SLC27A3: variants seen among roughly 807,000 people sequenced by gnomAD.
The protein encoded by SLC27A3 is solute carrier family 27 member 3, also known as long-chain fatty acid transport protein 3.
In SLC27A3, 60 loss-of-function variants were observed where a neutral mutation model predicts 60.1. The ratio of observed to expected loss-of-function variants is 1.00; its 90% confidence interval spans 0.81 to 1.24. SLC27A3 has a LOEUF of 1.24. Among genes scored for constraint, SLC27A3 ranks in the 50% most tolerant of loss-of-function variants. The pLI is 0.00. For missense variants in SLC27A3, 1,079 were observed against 929.9 expected (o/e 1.16, Z -2.09); for synonymous variants, 455 against 409.0 (o/e 1.11, Z -1.36).
chr1:153,779,468 C>G lies in SLC27A3; in HGVS notation c.1870C>G (p.Leu624Val). Reference sequence around the variant, plus strand: ...TTATGCCCGGCCCCGATTCCTCAGGCTCCAGGTAACCGGCCACTTCCCCCG... The same window carrying G: ...TTATGCCCGGCCCCGATTCCTCAGGGTCCAGGTAACCGGCCACTTCCCCCG... ...PPYARPRFLRLQESLATTETF... is the reference protein window; with the variant it reads ...PPYARPRFLRVQESLATTETF... Residue 624 changes from leucine (L) to valine (V), a missense_variant, in exon 9 of 10, where the codon CTC (leucine) becomes GTC (valine). Physicochemically the swap from Leu to Val is conservative, Grantham distance 32 (BLOSUM62 1). Transcript: ENST00000624995. The G allele has an allele frequency of 1.2e-6, 2 of 1,612,786 alleles. No homozygotes were observed. The highest frequency in any genetic ancestry group is 1.7e-6 in the Non-Finnish European group (2 of 1,179,746).
chr1:153,775,712 CGGA>C lies in SLC27A3; in HGVS notation c.216_218del (p.Glu73del). ...GGCTGCAGCCTGGCCTGGCGCCTCG[CGGA>C]ACTGGCCCAGCAGCGCGCCGCGCAC... On this transcript the variant is annotated inframe_deletion, in exon 1 of 10. Coordinates refer to ENST00000624995, the MANE Select transcript of SLC27A3 (RefSeq NM_024330.4). 1 of 1,527,164 alleles carries C rather than the reference CGGA, an allele frequency of 6.5e-7. No individual in the cohort carries two copies. Among genetic ancestry groups the C allele is most frequent in the East Asian group, 2.3e-5 (1 of 43,550 alleles). The allele number at this position is 1,527,164 out of a possible 1,614,324, so 94.6% of individuals were successfully genotyped here. A position where few individuals can be genotyped will look rare whatever the true frequency, so the allele number is the denominator to read the frequency against.
At chr1:153,777,556 A>G in intron 3 of SLC27A3, 2 of 659,006 alleles carry the variant, frequency 3.0e-6, no homozygotes, top group South Asian at 3.7e-5. Context: ...AAGTAGGGAA[A>G]GGGCATTCAC....
chr1:153,776,434 G>T, intron 1 of SLC27A3, 84 bp from the exon 2 acceptor site: 1 of 1,375,668 alleles, frequency 7.3e-7, no homozygotes, highest in Non-Finnish European at 9.9e-7. Context: ...AGAGCAGTGT[G>T]GGCTGGGATA....
In SLC27A3 at chr1:153,775,763, G is replaced by A. The variant is rs200975179; in HGVS notation, c.266G>A (p.Arg89Gln). 9.6e-5 allele frequency: 145 copies of A among 1,505,358 alleles called. 1 individual carries two copies. The South Asian group carries it at 1.6e-3, about 17-fold the overall frequency. 93.3% of individuals were successfully genotyped at this position (1,505,358 alleles called of 1,614,324 possible). A position where few individuals can be genotyped will look rare whatever the true frequency, so the allele number is the denominator to read the frequency against. Residue 89 changes from arginine (R) to glutamine (Q), a missense_variant, in exon 1 of 10, where the codon CGG (arginine) becomes CAG (glutamine). Physicochemically the swap from Arg to Gln is conservative, Grantham distance 43 (BLOSUM62 1). Transcript: ENST00000624995. ...CACACCTTTCTCATTCACGGCTCGCGGCGCTTTAGCTACTCAGAGGCGGAG... is the reference window on the plus strand; with the variant it reads ...CACACCTTTCTCATTCACGGCTCGCAGCGCTTTAGCTACTCAGAGGCGGAG... ...AAHTFLIHGS[R>Q]RFSYSEAERE... is the part of the protein sequence containing the mutation.
chr1:153,776,736 C>T lies in SLC27A3; in HGVS notation c.877+9C>T, dbSNP rs772077480. The stretch of plus-strand genomic sequence containing the variant: ...CACCTCTGGCACCACGGGTGAGGGC[C>T]GGGCACCATACTTAGCTCCCCGAAA... On this transcript the variant is annotated intron_variant, in intron 2 of 9. Coordinates refer to ENST00000624995, the MANE Select transcript of SLC27A3 (RefSeq NM_024330.4). 30 of 1,613,838 alleles carry T rather than the reference C, an allele frequency of 1.9e-5. No homozygotes were observed. Among genetic ancestry groups the T allele is most frequent in the Admixed American group, 1.3e-4 (8 of 59,998 alleles).
chr1:153,777,146 A>G lies in SLC27A3; in HGVS notation c.962A>G (p.Asp321Gly). 1 of 1,614,246 alleles carries G rather than the reference A, an allele frequency of 6.2e-7. No homozygotes were observed. Among genetic ancestry groups the G allele is most frequent in the Non-Finnish European group, 8.5e-7 (1 of 1,180,048 alleles). ...CAGCTGTGTGGTGTCCACCAGGAAG[A>G]TGTGATCTACCTCGCCCTCCCACTC... Reference protein sequence around the residue: ...FYQLCGVHQEDVIYLALPLYH... With the variant: ...FYQLCGVHQEGVIYLALPLYH... The change falls in exon 3 of 10, where the codon GAT becomes GGT. Residue 321 changes from aspartate to glycine, a missense_variant. Asp to Gly is a moderately conservative substitution (Grantham distance 94). Coordinates refer to ENST00000624995, the MANE Select transcript of SLC27A3 (RefSeq NM_024330.4).
At chr1:153,779,241 C>T (rs1171042568) in intron 8 of SLC27A3, 30 bp downstream of exon 8, 3 of 1,612,820 alleles carry the variant, frequency 1.9e-6, no homozygotes, top group Admixed American at 3.3e-5. Context: ...GGGGGAGGCA[C>T]CCAGCCACCA....
At position 153,778,877 on chromosome 1, in the gene SLC27A3, C is replaced by T. The variant is rs374761202; in HGVS notation, c.1638C>T (p.Asp546=). ...TCCGCTTCCATGATCGTACTGGAGA[C>T]ACCTTCAGGTATCTGTCCATAACTG... ...GFLRFHDRTG[D]TFRWKGENVA... Residue 546 remains aspartate (D), a synonymous_variant, in exon 7 of 10, where the codon GAC becomes GAT. Transcript: ENST00000624995. The T allele has an allele frequency of 6.2e-7, 1 of 1,613,994 alleles. No homozygotes were observed. Among genetic ancestry groups the T allele is most frequent in the East Asian group, 2.2e-5 (1 of 44,884 alleles).
chr1:153,775,839 C>G lies in SLC27A3; in HGVS notation c.342C>G (p.Asp114Glu). ...CCTTCCTACGTGCGCTAGGCTGGGA[C>G]TGGGGACCCGACGGCGGCGACAGCG... ...ARAFLRALGWDWGPDGGDSGE... is the reference protein window; with the variant it reads ...ARAFLRALGWEWGPDGGDSGE... Residue 114 changes from aspartate (D) to glutamate (E), a missense_variant, in exon 1 of 10, where the codon GAC (aspartate) becomes GAG (glutamate). Coordinates refer to ENST00000624995, the MANE Select transcript of SLC27A3 (RefSeq NM_024330.4). 3 of 1,495,666 alleles carry G rather than the reference C, an allele frequency of 2.0e-6. No individual in the cohort carries two copies. Among genetic ancestry groups the G allele is most frequent in the East Asian group, 2.6e-5 (1 of 38,902 alleles). 92.6% of individuals were successfully genotyped at this position (1,495,666 alleles called of 1,614,324 possible).
chr1:153,776,166 T>C lies in SLC27A3; in HGVS notation c.667+2T>C, dbSNP rs750427502. 9.2e-6 allele frequency: 13 copies of C among 1,415,936 alleles called. No homozygotes were observed. In the East Asian group the frequency reaches 3.6e-4, roughly 39 times the overall value. The allele number at this position is 1,415,936 out of a possible 1,614,324, so 87.7% of individuals were successfully genotyped here. On this transcript the variant is annotated splice_donor_variant, in intron 1 of 9. Transcript: ENST00000624995. LOFTEE classifies it high-confidence loss of function. ...CGCGCGCGCTGGTGCTGGCGCCAGG[T>C]AAGGCTGGAGCTCCGAACTGACTAA... is the stretch of plus-strand genomic sequence containing the variant.
chr1:153,777,729 C>CT (rs760472208), intron 3 of SLC27A3, 32 bp from the exon 4 acceptor site: 7 of 1,588,198 alleles, frequency 4.4e-6, no homozygotes, highest in Non-Finnish European at 5.1e-6. Flanking sequence ...CTAATCTTAC[C>CT]TCCCTTCTTC....
intron 2 of SLC27A3, 75 bp from the exon 3 acceptor site, chr1:153,776,987 A>G (rs1673262016): frequency 2.6e-6 from 4 of 1,520,192 alleles, no homozygotes; most frequent in Non-Finnish European, 3.6e-6. Context: ...TGGGAAACCC[A>G]GCGGGGGTGC....
Position 153,776,112 on chromosome 1 carries a change from C to A in SLC27A3, c.615C>A (p.Pro205=). The A allele has an allele frequency of 6.8e-7, 1 of 1,470,386 alleles. No individual in the cohort carries two copies. The highest frequency in any genetic ancestry group is 1.5e-5 in the African/African-American group (1 of 68,256). The allele number at this position is 1,470,386 out of a possible 1,614,324, so 91.1% of individuals were successfully genotyped here. The change falls in exon 1 of 10, where the codon CCC becomes CCA. Residue 205 remains proline (P), a synonymous_variant. Coordinates refer to ENST00000624995, the MANE Select transcript of SLC27A3 (RefSeq NM_024330.4). Reference sequence around the variant, plus strand: ...TGCCCACCGCCCTGCGCCGGGGCCCCCTGCTGCACTGCCTCCGCAGCTGCG... The same window carrying A: ...TGCCCACCGCCCTGCGCCGGGGCCCACTGCTGCACTGCCTCCGCAGCTGCG... ...AFVPTALRRG[P]LLHCLRSCGA... is the part of the protein sequence containing the mutation.
At position 153,779,356 on chromosome 1, in the gene SLC27A3, G is replaced by GGCTGGA. The variant is rs149592087; in HGVS notation, c.1759_1764dup (p.Ala587_Gly588dup). On this transcript the variant is annotated inframe_insertion, in exon 9 of 10. Coordinates refer to ENST00000624995, the MANE Select transcript of SLC27A3 (RefSeq NM_024330.4). ...CACACCCACCAGGGCATGAAGGCAG[G>GGCTGGA]GCTGGAATGGCAGCCCTAGTTCTGC... 8 of 1,614,040 alleles carry GGCTGGA rather than the reference G, an allele frequency of 5.0e-6. No homozygotes were observed. The East Asian group carries it at 1.8e-4, about 36-fold the overall frequency.
At position 153,778,417 on chromosome 1, in the gene SLC27A3, C is replaced by T. The variant is rs759810348; in HGVS notation, c.1357-46C>T. The T allele has an allele frequency of 2.5e-6, 4 of 1,611,488 alleles. No individual in the cohort carries two copies. In the South Asian group the frequency reaches 3.3e-5, roughly 13 times the overall value. ...AGCAGAGGGCTGGCAGGAGAGGGGG[C>T]TCATGTGACTGCAATGATCCAGTAC... On this transcript the variant is annotated intron_variant, in intron 5 of 9. Transcript: ENST00000624995.
In SLC27A3 at chr1:153,779,159, C is replaced by A. The variant is rs144843954; in HGVS notation, c.1692C>A (p.Phe564Leu). The change falls in exon 8 of 10, where the codon TTC becomes TTA. Residue 564 changes from phenylalanine (F) to leucine (L), a missense_variant. Physicochemically the swap from Phe to Leu is conservative, Grantham distance 22 (BLOSUM62 0). Transcript: ENST00000624995. ...NVATTEVAEV[F>L]EALDFLQEVN... ...CCACAACCGAGGTGGCAGAGGTCTT[C>A]GAGGCCCTAGATTTTCTTCAGGAGG... is the stretch of plus-strand genomic sequence containing the variant. The A allele has an allele frequency of 1.9e-5, 30 of 1,614,014 alleles. No homozygotes were observed. The South Asian group carries it at 3.3e-4, about 18-fold the overall frequency.
rs146302140 is a variant in SLC27A3, at chr1:153,778,864, A to G, written c.1625A>G (p.Asp542Gly). 3 of 1,614,152 alleles carry G rather than the reference A, an allele frequency of 1.9e-6. No individual in the cohort carries two copies. Among genetic ancestry groups the G allele is most frequent in the South Asian group, 1.1e-5 (1 of 91,086 alleles). ...GACCAAGGTTTTCTCCGCTTCCATG[A>G]TCGTACTGGAGACACCTTCAGGTAT... Reference protein sequence around the residue: ...CDDQGFLRFHDRTGDTFRWKG... With the variant: ...CDDQGFLRFHGRTGDTFRWKG... Residue 542 changes from aspartate (D) to glycine (G), a missense_variant, in exon 7 of 10, where the codon GAT becomes GGT. Coordinates refer to ENST00000624995, the MANE Select transcript of SLC27A3 (RefSeq NM_024330.4).
intron 1 of SLC27A3, 130 bp downstream of exon 1, chr1:153,776,294 G>C: frequency 7.0e-7 from 1 of 1,419,306 alleles, no homozygotes; most frequent in Non-Finnish European, 9.2e-7. Flanking sequence ...GTTCGAAAGT[G>C]GGTGGAGATA....
intron 3 of SLC27A3, 112 bp downstream of exon 3, chr1:153,777,332 C>CTCCTGGTGAGTAGGGCTCTG: frequency 7.6e-7 from 1 of 1,316,892 alleles, no homozygotes; most frequent in Non-Finnish European, 1.1e-6. Context: ...TGGGGCAGAG[C>CTCCTGGTGAGTAGGGCTCTG]CCTACTCACC....
Sources: allele counts gnomAD v4.1 joint callset, GRCh38; gene constraint gnomAD v4.1.1; transcripts MANE v1.5; gene names NCBI Gene and HGNC (gene_info 2026-07-23, HGNC 2026-07-21).